Variants in PWWP3A observed in about 807,000 individuals in gnomAD.
PWWP3A encodes PWWP domain-containing DNA repair factor 3A.
In PWWP3A, 53 loss-of-function variants were observed where a neutral mutation model predicts 79.0. The ratio of observed to expected loss-of-function variants is 0.67; its 90% CI spans 0.54 to 0.84. The LOEUF is 0.84. PWWP3A is among the 40% of genes least tolerant of loss of function. The pLI, the probability that PWWP3A is intolerant of heterozygous loss-of-function variation, is 0.00. For missense variants in PWWP3A, 973 were observed against 948.0 expected (o/e 1.03, Z -0.35); for synonymous variants, 443 against 394.4 (o/e 1.12, Z -1.46).
In PWWP3A at chr19:1,356,336, T is replaced by G; in HGVS notation, c.-57T>G. ...AATTTCGTTCCAGGACACATTGGCG[T>G]GAGACCTGGGAGTACGTTGTGCCAA... On this transcript the variant is annotated 5_prime_UTR_variant, in exon 2 of 14. Transcript: ENST00000591337. The G allele has an allele frequency of 6.6e-5, 104 of 1,572,922 alleles. No individual in the cohort carries two copies. The highest frequency in any genetic ancestry group is 8.5e-5 in the Non-Finnish European group (97 of 1,142,620).
At chr19:1,362,719 C>T (rs944660721) in intron 6 of PWWP3A, among the ~76,000 whole-genome samples, 10 of 152,238 alleles carry the variant, frequency 6.6e-5, no homozygotes, top group African/African-American at 9.6e-5. Context: ...TACTGTCTCG[C>T]GGCTTCCGTT....
chr19:1,376,637 A>C lies in PWWP3A; in HGVS notation c.*61A>C. 1 of 1,564,438 alleles carries C rather than the reference A, an allele frequency of 6.4e-7. No homozygotes were observed. Among genetic ancestry groups the C allele is most frequent in the Non-Finnish European group, 8.8e-7 (1 of 1,140,664 alleles). The stretch of plus-strand genomic sequence containing the variant: ...GGTGGAAGCGCCTCCAGTGTGCATG[A>C]GCGTGTCTGAAGATGGGGGGCTCAG... On this transcript the variant is annotated 3_prime_UTR_variant, in exon 14 of 14. Transcript: ENST00000591337.
chr19:1,371,031 A>AC lies in PWWP3A; in HGVS notation c.1941dup (p.Asn648GlnfsTer33). ...GGTGGGGGCCAAGGTGCTCCAGCGC[A>AC]CCAACGGCGACCGGATCCGGTTCAT... is the stretch of plus-strand genomic sequence containing the variant. On this transcript the variant is annotated frameshift_variant, in exon 12 of 14. Transcript: ENST00000591337. LOFTEE classifies it high-confidence loss of function. 6.4e-7 allele frequency: 1 copy of AC among 1,573,604 alleles called. No homozygotes were observed. The highest frequency in any genetic ancestry group is 8.6e-7 in the Non-Finnish European group (1 of 1,159,344).
rs938520121 is a variant in PWWP3A at position 1,368,721 on chromosome 19, G to C, written c.1423-544G>C. Reference sequence around the variant, plus strand: ...GTGCTGGCCTAGCCTGGCTGCAGACGATAGCTCCCAACAAAAACGGCTGTT... The same window carrying C: ...GTGCTGGCCTAGCCTGGCTGCAGACCATAGCTCCCAACAAAAACGGCTGTT... On this transcript the variant is annotated intron_variant, in intron 9 of 13. Coordinates refer to ENST00000591337, the MANE Select transcript of PWWP3A (RefSeq NM_001369789.1). This position sits in a 1 kb window ranked among gnomAD's most constrained non-coding sequence, Gnocchi z 4.7. 6.6e-6 allele frequency among the ~76,000 whole-genome samples: 1 copy of C among 152,220 alleles called. No homozygotes were observed. The highest frequency in any genetic ancestry group is 1.5e-5 in the Non-Finnish European group (1 of 68,044).
chr19:1,358,789 T>C, intron 4 of PWWP3A: 1 of 777,346 alleles, frequency 1.3e-6, no homozygotes, highest in Non-Finnish European at 2.0e-6. Flanking sequence ...AGGTCCTCCT[T>C]TTTCCTTTCC....
chr19:1,355,749 C>T (rs1370709976), intron 1 of PWWP3A, among the ~76,000 whole-genome samples: 2 of 151,886 alleles, frequency 1.3e-5, no homozygotes, highest in African/African-American at 4.8e-5. Context: ...CCTCCTCTTC[C>T]CTGCTGCGGG....
chr19:1,357,170 A>C, intron 3 of PWWP3A, 76 bp downstream of exon 3: 1 of 1,098,974 alleles, frequency 9.1e-7, no homozygotes, highest in Non-Finnish European at 1.3e-6. Flanking sequence ...CTCCCCCAAA[A>C]CAGTTGAAGC....
Position 1,360,592 on chromosome 19 carries a change from A to G in PWWP3A, c.671A>G (p.Lys224Arg). 2 of 1,614,228 alleles carry G rather than the reference A, an allele frequency of 1.2e-6. No individual in the cohort carries two copies. The highest frequency in any genetic ancestry group is 1.7e-6 in the Non-Finnish European group (2 of 1,180,026). ...ASKRGGNSAQ[K>R]ASLCLNGSSL... ...AAGAGGGGAGGAAACTCAGCGCAGAAGGCTAGCTTGTGCCTGAATGGATCT... is the reference window on the plus strand; with the variant it reads ...AAGAGGGGAGGAAACTCAGCGCAGAGGGCTAGCTTGTGCCTGAATGGATCT... Residue 224 changes from lysine to arginine, a missense_variant, in exon 5 of 14, where the codon AAG (lysine) becomes AGG (arginine). By Grantham distance (26) the Lys-to-Arg change is conservative (BLOSUM62 2). Transcript: ENST00000591337. The surrounding 1 kb of genome is among the most constrained non-coding windows in gnomAD (Gnocchi z 4.4).
Position 1,369,424 on chromosome 19 carries a change from G to T in PWWP3A, c.1498+84G>T. ...CCCTTGGACGGGCTGGGCCGGAGCT[G>T]CCTGGAGGCGGGGCATATTTCCGTG... On this transcript the variant is annotated intron_variant, in intron 10 of 13. Transcript: ENST00000591337. This position sits in a 1 kb window ranked among gnomAD's most constrained non-coding sequence, Gnocchi z 4.0. 1 of 1,536,440 alleles carries T rather than the reference G, an allele frequency of 6.5e-7. No individual in the cohort carries two copies. Among genetic ancestry groups the T allele is most frequent in the Admixed American group, 1.7e-5 (1 of 59,312 alleles).
rs778496654 is a variant in PWWP3A, at chr19:1,360,339, C to T, written c.418C>T (p.Arg140Cys). The T allele has an allele frequency of 3.7e-5, 60 of 1,613,988 alleles. 1 individual carries two copies. In the South Asian group the frequency reaches 4.6e-4, roughly 12 times the overall value. ...TGATTCGAACTCCTCATCTCTTCCC[C>T]GCGGAGACGTGTTGGGCAGTTCCAG... Reference protein sequence around the residue: ...PCDSNSSSLPRGDVLGSSRPH... With the variant: ...PCDSNSSSLPCGDVLGSSRPH... Residue 140 changes from arginine to cysteine, a missense_variant, in exon 5 of 14, where the codon CGC (arginine) becomes TGC (cysteine). Arg to Cys is a radical substitution (Grantham distance 180, BLOSUM62 -3). Transcript: ENST00000591337. This position sits in a 1 kb window ranked among gnomAD's most constrained non-coding sequence, Gnocchi z 4.4.
chr19:1,372,948 G>A (rs1296106516), intron 12 of PWWP3A, 124 bp from the exon 13 acceptor site: 5 of 708,632 alleles, frequency 7.1e-6, no homozygotes, highest in Non-Finnish European at 1.2e-5. Context: ...TCTGAACCAT[G>A]AGCTAGACCA....
chr19:1,360,397 G>A lies in PWWP3A; in HGVS notation c.476G>A (p.Ser159Asn), dbSNP rs759854783. The A allele has an allele frequency of 9.3e-6, 15 of 1,614,106 alleles. No homozygotes were observed. The East Asian group carries it at 2.9e-4, about 31-fold the overall frequency. ...PHRRRPCVQQSLSSSFTCEKD... is the reference protein window; with the variant it reads ...PHRRRPCVQQNLSSSFTCEKD... ...AGGAGGAGGCCATGTGTGCAACAAA[G>A]CCTGTCAAGTTCGTTCACTTGTGAA... Residue 159 changes from serine (S) to asparagine (N), a missense_variant, in exon 5 of 14, where the codon AGC (serine) becomes AAC (asparagine). Coordinates refer to ENST00000591337, the MANE Select transcript of PWWP3A (RefSeq NM_001369789.1). This position sits in a 1 kb window ranked among gnomAD's most constrained non-coding sequence, Gnocchi z 4.4.
chr19:1,364,832 T>C (rs923636693), intron 7 of PWWP3A, among the ~76,000 whole-genome samples: 4 of 152,118 alleles, frequency 2.6e-5, no homozygotes, highest in African/African-American at 4.8e-5. Context: ...GAAAAAAATA[T>C]TTGCGGCCGG....
At chr19:1,366,229 G>A (rs969129924) in intron 7 of PWWP3A, 76 bp from the exon 8 acceptor site, 1 of 1,457,992 alleles carries the variant, frequency 6.9e-7, no homozygotes, top group Admixed American at 1.7e-5. Context: ...GATGTATCAT[G>A]TGATGTCACA....
intron 13 of PWWP3A, among the ~76,000 whole-genome samples, chr19:1,376,112 C>T (rs957581006): frequency 1.4e-5 from 2 of 138,308 alleles, no homozygotes; most frequent in Non-Finnish European, 3.1e-5. Context: ...CCTGGACTCT[C>T]TGTCATACTC....
At chr19:1,357,352 A>G (rs1026242654) in intron 3 of PWWP3A, 10 of 335,982 alleles carry the variant, frequency 3.0e-5, no homozygotes, top group Middle Eastern at 8.5e-4. Context: ...ATACATGTAA[A>G]TTATACTCAG....
chr19:1,366,399 G>C lies in PWWP3A; in HGVS notation c.1361+18G>C, dbSNP rs765128273. 6.2e-7 allele frequency: 1 copy of C among 1,613,220 alleles called. No individual in the cohort carries two copies. The highest frequency in any genetic ancestry group is 1.1e-5 in the South Asian group (1 of 91,060). On this transcript the variant is annotated intron_variant, in intron 8 of 13. Transcript: ENST00000591337. ...ATGAAAGGGTAACCCGCTGTTCTTG[G>C]TTTCTGTGAATGGGCCTGAGGGGCC...
At chr19:1,375,569 A>AATATAATTTTATATAT (rs2082361374) in intron 13 of PWWP3A, among the ~76,000 whole-genome samples, 1 of 123,396 alleles carries the variant, frequency 8.1e-6, no homozygotes, top group African/African-American at 3.2e-5. Flanking sequence ...TATATAAAAT[A>AATATAATTTTATATAT]TATTATATAT....
At position 1,369,634 on chromosome 19, in the gene PWWP3A, G is replaced by A. The variant is rs761362198; in HGVS notation, c.1537G>A (p.Ala513Thr). ...SFAGSFLEYY[A>T]ADISYPVRKS... is the part of the protein sequence containing the mutation. ...TGCTGGCTCTTTCCTGGAATATTACGCGGCTGATATAAGTAAGTCTACAGG... is the reference window on the plus strand; with the variant it reads ...TGCTGGCTCTTTCCTGGAATATTACACGGCTGATATAAGTAAGTCTACAGG... Residue 513 changes from alanine (A) to threonine (T), a missense_variant, in exon 11 of 14, where the codon GCG becomes ACG. Coordinates refer to ENST00000591337, the MANE Select transcript of PWWP3A (RefSeq NM_001369789.1). The surrounding 1 kb of genome is among the most constrained non-coding windows in gnomAD (Gnocchi z 4.0). 4.4e-5 allele frequency: 71 copies of A among 1,614,190 alleles called. No homozygotes were observed. The Middle Eastern group carries it at 4.9e-4, about 11-fold the overall frequency.
Sources: allele counts gnomAD v4.1 joint callset (sites outside exome capture counted in the v4.1 genomes callset), GRCh38; gene constraint gnomAD v4.1.1; non-coding constraint Gnocchi (gnomAD v3.1); transcripts MANE v1.5; gene names NCBI Gene and HGNC (gene_info 2026-07-23, HGNC 2026-07-21).